Variants in PRAG1 observed in about 807,000 individuals in gnomAD.
PRAG1 encodes the protein inactive tyrosine-protein kinase PRAG1.
In PRAG1, 110 loss-of-function variants were observed where a neutral mutation model predicts 95.6. The ratio of observed to expected loss-of-function variants is 1.15; its 90% CI spans 0.99 to 1.35. The LOEUF is 1.35. Among genes scored for constraint, PRAG1 ranks in the 40% most tolerant of loss-of-function variants. The pLI is 0.00. For missense variants in PRAG1, 2,554 were observed against 1,864.7 expected (o/e 1.37, Z -6.81); for synonymous variants, 1,052 against 819.4 (o/e 1.28, Z -4.85).
Position 8,318,375 on chromosome 8 carries a change from G to A in PRAG1, c.4000C>T (p.Arg1334Cys), listed in dbSNP as rs1798347611. The A allele has an allele frequency of 5.6e-6, 9 of 1,613,442 alleles. No homozygotes were observed. The highest frequency in any genetic ancestry group is 1.1e-5 in the South Asian group (1 of 91,022). ...GTGCCCGGCTGCTGCACCAGCTCGC[G>A]CCGAGGCCCCCACAGCAGGCACTGC... ...VLQCLLWGPR[R>C]ELVQQPGTSE... Residue 1334 changes from arginine (R) to cysteine (C), a missense_variant, in exon 6 of 6, where the codon CGC (arginine) becomes TGC (cysteine). Physicochemically the swap from Arg to Cys is radical, Grantham distance 180 (BLOSUM62 -3). Coordinates refer to ENST00000615670, the MANE Select transcript of PRAG1 (RefSeq NM_001080826.3). The surrounding 1 kb of genome is among the most constrained non-coding windows in gnomAD (Gnocchi z 4.2).
chr8:8,377,145 C>A lies in PRAG1; in HGVS notation c.1264G>T (p.Ala422Ser), dbSNP rs1406275196. The change falls in exon 3 of 6, where the codon GCA (alanine) becomes TCA (serine). Residue 422 changes from alanine to serine, a missense_variant. By Grantham distance (99) the Ala-to-Ser change is moderately conservative (BLOSUM62 1). Transcript: ENST00000615670. Reference protein sequence around the residue: ...IYAESTKRKKAAPVPSKSQAK... With the variant: ...IYAESTKRKKSAPVPSKSQAK... ...TGTGACTTGGAAGGCACCGGAGCTG[C>A]CTTCTTCCTCTTGGTGCTCTCAGCA... 8 of 1,612,194 alleles carry A rather than the reference C, an allele frequency of 5.0e-6. No individual in the cohort carries two copies. Among genetic ancestry groups the A allele is most frequent in the Admixed American group, 1.7e-5 (1 of 60,014 alleles).
At chr8:8,321,619 T>A (rs1798474115) in intron 5 of PRAG1, among the ~76,000 whole-genome samples, 1 of 152,100 alleles carries the variant, frequency 6.6e-6, no homozygotes, top group African/African-American at 2.4e-5. Flanking sequence ...TCTCATTCAA[T>A]CTCATTAAAT....
intron 5 of PRAG1, among the ~76,000 whole-genome samples, chr8:8,321,862 T>C (rs765703571): frequency 6.6e-6 from 1 of 152,224 alleles, no homozygotes; most frequent in African/African-American, 2.4e-5. Context: ...AATTAGTGAA[T>C]AGTGAACCGT....
chr8:8,339,867 T>G (rs1157740617), intron 3 of PRAG1, among the ~76,000 whole-genome samples: 2 of 152,190 alleles, frequency 1.3e-5, no homozygotes. Flanking sequence ...TCTATTAAAT[T>G]TAAACAAGCA....
chr8:8,354,690 T>C (rs1383755167), intron 3 of PRAG1, among the ~76,000 whole-genome samples: 2 of 152,092 alleles, frequency 1.3e-5, no homozygotes, highest in African/African-American at 4.8e-5. Flanking sequence ...ACATCTAAAT[T>C]GACATAGAAA....
At chr8:8,340,754 T>C (rs1799135714) in intron 3 of PRAG1, among the ~76,000 whole-genome samples, 1 of 152,178 alleles carries the variant, frequency 6.6e-6, no homozygotes, top group Non-Finnish European at 1.5e-5. Flanking sequence ...GTTTGTTCGC[T>C]ACCACAAAAA....
intron 3 of PRAG1, among the ~76,000 whole-genome samples, chr8:8,375,424 G>T (rs541243534): frequency 6.6e-6 from 1 of 151,958 alleles, no homozygotes; most frequent in Non-Finnish European, 1.5e-5. Context: ...GGATGGTCTC[G>T]ATCTCCTGAT....
At chr8:8,324,803 C>G (rs1020500852) in intron 5 of PRAG1, among the ~76,000 whole-genome samples, 1 of 152,186 alleles carries the variant, frequency 6.6e-6, no homozygotes, top group African/African-American at 2.4e-5. Context: ...AATTACCAAA[C>G]TAGAATTCTG....
chr8:8,355,632 T>C (rs545130096), intron 3 of PRAG1, among the ~76,000 whole-genome samples: 1 of 152,260 alleles, frequency 6.6e-6, no homozygotes, highest in South Asian at 2.1e-4. Context: ...CAGACATACA[T>C]GGTCAACTAG....
Position 8,319,132 on chromosome 8 carries a change from A to AG in PRAG1, c.3242dup (p.Ala1082CysfsTer173), listed in dbSNP as rs1798391346. The AG allele has an allele frequency of 1.2e-6, 2 of 1,605,616 alleles. No individual in the cohort carries two copies. The highest frequency in any genetic ancestry group is 4.5e-5 in the East Asian group (2 of 44,570). ...CCACCACGCAGTCCTGCTCCTGGGC[A>AG]GGGGGGTGTGTGGGCAGGGCAGGCA... On this transcript the variant is annotated frameshift_variant, in exon 6 of 6. Transcript: ENST00000615670. LOFTEE classifies it high-confidence loss of function.
At position 8,376,599 on chromosome 8, in the gene PRAG1, C is replaced by T; in HGVS notation, c.1810G>A (p.Val604Ile). ...CACCTGGATGGGTCACTGATAGCGA[C>T]ACCGTTGGTCCGGCAGGAAGGAGCG... is the stretch of plus-strand genomic sequence containing the variant. ...DPAPSCRTNG[V>I]AISDPSRCPQ... The change falls in exon 3 of 6, where the codon GTC (valine) becomes ATC (isoleucine). Residue 604 changes from valine to isoleucine, a missense_variant. Coordinates refer to ENST00000615670, the MANE Select transcript of PRAG1 (RefSeq NM_001080826.3). 3 of 1,603,720 alleles carry T rather than the reference C, an allele frequency of 1.9e-6. No homozygotes were observed.
Position 8,376,923 on chromosome 8 carries a change from CAG to C in PRAG1, c.1484_1485del (p.Ser495CysfsTer19). ...CCTCGTGGCCACTGCACCCCCACTG[CAG>C]AGTCAGGGCTGCTCAGGTAGATCGT... The part of the protein sequence containing the change: ...HRTIYLSSPD[S>X]AVGVQWPRGP... On this transcript the variant is annotated frameshift_variant, in exon 3 of 6. Transcript: ENST00000615670. LOFTEE classifies it high-confidence loss of function. 1 of 1,613,454 alleles carries C rather than the reference CAG, an allele frequency of 6.2e-7. No homozygotes were observed. The highest frequency in any genetic ancestry group is 1.1e-5 in the South Asian group (1 of 91,084).
At chr8:8,347,357 C>T (rs1021233438) in intron 3 of PRAG1, among the ~76,000 whole-genome samples, 1 of 152,236 alleles carries the variant, frequency 6.6e-6, no homozygotes, top group African/African-American at 2.4e-5. Context: ...TCCTCTCTGA[C>T]TTTTCTATAA....
intron 3 of PRAG1, among the ~76,000 whole-genome samples, chr8:8,350,468 G>A (rs1457325392): frequency 6.6e-6 from 1 of 152,236 alleles, no homozygotes; most frequent in African/African-American, 2.4e-5. Context: ...GGAAGAAAAG[G>A]AGATGAAAAG....
intron 5 of PRAG1, among the ~76,000 whole-genome samples, chr8:8,321,209 C>A (rs1008391373): frequency 6.6e-6 from 1 of 152,118 alleles, no homozygotes; most frequent in East Asian, 1.9e-4. Flanking sequence ...CTCAGCCTCC[C>A]GAGTAGCTGG....
Position 8,381,531 on chromosome 8 carries a change from C to T in PRAG1, c.217G>A (p.Gly73Ser), listed in dbSNP as rs1189360241. The T allele has an allele frequency of 6.2e-7, 1 of 1,614,210 alleles. No homozygotes were observed. Among genetic ancestry groups the T allele is most frequent in the Non-Finnish European group, 8.5e-7 (1 of 1,180,030 alleles). ...RPENCRLEDE[G>S]VNSSPYSKPT... ...TTGGAGTAAGGTGAGCTGTTCACAC[C>T]TTCATCTTCCAGGCGGCAGTTCTCA... Residue 73 changes from glycine (G) to serine (S), a missense_variant, in exon 2 of 6, where the codon GGT becomes AGT. Gly to Ser is a moderately conservative substitution (Grantham distance 56, BLOSUM62 0). Coordinates refer to ENST00000615670, the MANE Select transcript of PRAG1 (RefSeq NM_001080826.3).
At chr8:8,349,694 C>A (rs1036930171) in intron 3 of PRAG1, among the ~76,000 whole-genome samples, 1 of 152,058 alleles carries the variant, frequency 6.6e-6, no homozygotes, top group Non-Finnish European at 1.5e-5. Flanking sequence ...TCTCTGGGGG[C>A]ATGTTTTCCA....
At chr8:8,350,313 G>GCCTA in intron 3 of PRAG1, among the ~76,000 whole-genome samples, 1 of 152,130 alleles carries the variant, frequency 6.6e-6, no homozygotes. Context: ...GTAAGAGAGT[G>GCCTA]ATGAAGAACT....
chr8:8,342,095 C>A (rs962814726), intron 3 of PRAG1, among the ~76,000 whole-genome samples: 1 of 151,894 alleles, frequency 6.6e-6, no homozygotes, highest in Non-Finnish European at 1.5e-5. Flanking sequence ...GGTGCCATTG[C>A]ACTCCAGCCT....
Sources: allele counts gnomAD v4.1 joint callset (sites outside exome capture counted in the v4.1 genomes callset), GRCh38; gene constraint gnomAD v4.1.1; non-coding constraint Gnocchi (gnomAD v3.1); transcripts MANE v1.5; gene names NCBI Gene and HGNC (gene_info 2026-07-23, HGNC 2026-07-21).